Variants in UBR3 observed in about 807,000 individuals in gnomAD.
UBR3 encodes the protein E3 ubiquitin-protein ligase UBR3.
A neutral mutation model predicts 243.2 loss-of-function variants in UBR3; 85 were observed. The observed-to-expected ratio is 0.35, with a 90% CI of 0.29 to 0.42. The LOEUF is 0.42. Among genes scored for constraint, UBR3 ranks in the 10% least tolerant of loss-of-function variants. The pLI, the probability that UBR3 is intolerant of heterozygous loss-of-function variation, is 1.00. For synonymous variants in UBR3, 748 were observed against 799.8 expected (o/e 0.94, Z 1.09); for missense variants, 1,686 against 2,300.8 (o/e 0.73, Z 5.47).
intron 5 of UBR3, among the ~76,000 whole-genome samples, chr2:169,890,540 G>GATAGATAGATATATAT (rs1256571755): frequency 1.3e-5 from 1 of 76,020 alleles, no homozygotes; most frequent in South Asian, 5.4e-4. Flanking sequence ...GAGAGAGAGA[G>GATAGATAGATATATAT]ATATATATAT....
At chr2:169,890,536 G>GATAT (rs1396382870) in intron 5 of UBR3, among the ~76,000 whole-genome samples, 6 of 53,650 alleles carry the variant, frequency 1.1e-4, no homozygotes, top group African/African-American at 4.2e-4. Context: ...GAGAGAGAGA[G>GATAT]AGAGATATAT....
intron 20 of UBR3, 22 bp downstream of exon 20, chr2:169,942,656 A>C: frequency 6.7e-7 from 1 of 1,486,330 alleles, no homozygotes; most frequent in Non-Finnish European, 8.9e-7. Flanking sequence ...ATTTGAATAG[A>C]AAGACTAAGC....
At chr2:169,859,147 G>A (rs2082995772) in intron 1 of UBR3, among the ~76,000 whole-genome samples, 1 of 143,404 alleles carries the variant, frequency 7.0e-6, no homozygotes, top group African/African-American at 2.6e-5. Flanking sequence ...GTGCAGTGGC[G>A]TGATCTCGGC....
chr2:169,986,690 C>T lies in UBR3; in HGVS notation c.3680C>T (p.Pro1227Leu). ...DIPMEITTAE[P>L]QVSEAVYDCV... ...CCTATGGAGATCACCACGGCAGAAC[C>T]ACAGGTTTCCGAGGCAGTATATGAC... The change falls in exon 25 of 39, where the codon CCA becomes CTA. Residue 1227 changes from proline (P) to leucine (L), a missense_variant. By Grantham distance (98) the Pro-to-Leu change is moderately conservative. Coordinates refer to ENST00000272793, the MANE Select transcript of UBR3 (RefSeq NM_172070.4). 6.2e-7 allele frequency: 1 copy of T among 1,613,728 alleles called. No homozygotes were observed. The highest frequency in any genetic ancestry group is 8.5e-7 in the Non-Finnish European group (1 of 1,179,798).
chr2:169,997,026 A>G (rs1468273367), intron 26 of UBR3, among the ~76,000 whole-genome samples: 1 of 151,738 alleles, frequency 6.6e-6, no homozygotes, highest in Non-Finnish European at 1.5e-5. Flanking sequence ...TTTACAGGAT[A>G]CATATATTAC....
At chr2:169,835,880 T>C (rs2082067733) in intron 1 of UBR3, among the ~76,000 whole-genome samples, 1 of 151,532 alleles carries the variant, frequency 6.6e-6, no homozygotes. Flanking sequence ...CCTTTTGCCA[T>C]GTTTGCTCTA....
Position 169,870,446 on chromosome 2 carries a change from G to A in UBR3, c.546-1790G>A, listed in dbSNP as rs771185892. Among the ~76,000 whole-genome samples, 13 of 151,420 alleles carry A rather than the reference G, an allele frequency of 8.6e-5. No individual in the cohort carries two copies. In the South Asian group the frequency reaches 1.3e-3, roughly 15 times the overall value. The stretch of plus-strand genomic sequence containing the variant: ...GTCCGGCCCATTGTGGTCCATTGAT[G>A]TTAGCACATTACCACAGAATTTTAA... On this transcript the variant is annotated intron_variant, in intron 1 of 38. Coordinates refer to ENST00000272793, the MANE Select transcript of UBR3 (RefSeq NM_172070.4).
At chr2:169,941,208 A>T (rs2086571696) in intron 19 of UBR3, among the ~76,000 whole-genome samples, 1 of 152,186 alleles carries the variant, frequency 6.6e-6, no homozygotes, top group African/African-American at 2.4e-5. Flanking sequence ...GAATAACAGG[A>T]GTGAGTATAG....
rs1256814213 is a variant in UBR3 at position 169,924,048 on chromosome 2, G to A, written c.1933-36G>A. 4 of 1,522,686 alleles carry A rather than the reference G, an allele frequency of 2.6e-6. No individual in the cohort carries two copies. In the African/African-American group the frequency reaches 5.6e-5, roughly 21 times the overall value. The allele number at this position is 1,522,686 out of a possible 1,614,324, so 94.3% of individuals were successfully genotyped here. On this transcript the variant is annotated intron_variant, in intron 12 of 38. Transcript: ENST00000272793. ...TTTTTTTTTTAATTTTCAGAAATAA[G>A]AATTGAATTAGTAACTTTTTTATTG... is the stretch of plus-strand genomic sequence containing the variant.
intron 29 of UBR3, among the ~76,000 whole-genome samples, chr2:170,009,763 A>C (rs1295474278): frequency 6.6e-6 from 1 of 152,158 alleles, no homozygotes; most frequent in African/African-American, 2.4e-5. Context: ...AGGTCAATAC[A>C]GCAAGTCTGT....
At chr2:169,989,665 A>G (rs552263029) in intron 25 of UBR3, among the ~76,000 whole-genome samples, 71 of 152,314 alleles carry the variant, frequency 4.7e-4, no homozygotes, top group African/African-American at 1.6e-3. Context: ...TACACAGGAA[A>G]GGCAGGGTAG....
intron 11 of UBR3, among the ~76,000 whole-genome samples, chr2:169,914,607 A>G (rs2085380500): frequency 6.6e-6 from 1 of 152,214 alleles, no homozygotes; most frequent in African/African-American, 2.4e-5. Flanking sequence ...TAATGAGAAG[A>G]GCTGGCACAG....
intron 1 of UBR3, among the ~76,000 whole-genome samples, chr2:169,859,583 C>T (rs767210022): frequency 1.3e-5 from 2 of 151,912 alleles, no homozygotes; most frequent in Non-Finnish European, 2.9e-5. Context: ...CTTTTCTAGT[C>T]TCTGTGTTTT....
intron 5 of UBR3, among the ~76,000 whole-genome samples, chr2:169,878,982 T>G (rs951800484): frequency 6.6e-6 from 1 of 152,188 alleles, no homozygotes; most frequent in African/African-American, 2.4e-5. Flanking sequence ...GAAATGGAAC[T>G]GTTTTTCTAA....
At chr2:169,832,441 T>TCA (rs1329943255) in intron 1 of UBR3, among the ~76,000 whole-genome samples, 7 of 151,920 alleles carry the variant, frequency 4.6e-5, no homozygotes, top group African/African-American at 1.7e-4. Flanking sequence ...TCCCAGCTAC[T>TCA]CGGGAGGCTG....
rs1450781514 is a variant in UBR3, at chr2:170,073,611, T to A, written c.5199+4T>A. 6.2e-7 allele frequency: 1 copy of A among 1,612,738 alleles called. No individual in the cohort carries two copies. The highest frequency in any genetic ancestry group is 8.5e-7 in the Non-Finnish European group (1 of 1,179,314). Reference sequence around the variant, plus strand: ...AAGACATGCAGAACAAGGAAAGGTATGTTAAAAGAGTTGTACTAGCTTGTC... The same window carrying A: ...AAGACATGCAGAACAAGGAAAGGTAAGTTAAAAGAGTTGTACTAGCTTGTC... On this transcript the variant is annotated splice_donor_region_variant and intron_variant, in intron 36 of 38. Coordinates refer to ENST00000272793, the MANE Select transcript of UBR3 (RefSeq NM_172070.4).
intron 37 of UBR3, 71 bp from the exon 38 acceptor site, chr2:170,080,471 CATT>C: frequency 3.7e-6 from 5 of 1,355,526 alleles, no homozygotes; most frequent in Non-Finnish European, 5.0e-6. Flanking sequence ...ATTTAGAAGG[CATT>C]AATATATTCT....
intron 11 of UBR3, among the ~76,000 whole-genome samples, chr2:169,922,404 T>G (rs980282479): frequency 6.6e-6 from 1 of 152,144 alleles, no homozygotes; most frequent in African/African-American, 2.4e-5. Flanking sequence ...AAGGCGATTA[T>G]GGTAATGGAG....
Position 169,932,839 on chromosome 2 carries a change from C to G in UBR3, c.2567-73C>G, listed in dbSNP as rs568713060. 16 of 1,242,086 alleles carry G rather than the reference C, an allele frequency of 1.3e-5. No individual in the cohort carries two copies. In the African/African-American group the frequency reaches 2.3e-4, roughly 18 times the overall value. 76.9% of individuals were successfully genotyped at this position (1,242,086 alleles called of 1,614,324 possible). On this transcript the variant is annotated intron_variant, in intron 18 of 38. Transcript: ENST00000272793. ...TGTTTTAAATGTAAAATATACTTAA[C>G]AAATGTAATAAGTCAATAAATATTG...
Sources: allele counts gnomAD v4.1 joint callset (sites outside exome capture counted in the v4.1 genomes callset), GRCh38; gene constraint gnomAD v4.1.1; transcripts MANE v1.5; gene names NCBI Gene and HGNC (gene_info 2026-07-23, HGNC 2026-07-21).